Variants in NEBL observed in about 807,000 individuals in gnomAD.
NEBL encodes the protein LIM and SH3 protein 2.
NEBL carries 122 observed loss-of-function variants against 140.2 expected under a neutral mutation model. The observed-to-expected ratio is 0.87, with a 90% CI of 0.75 to 1.01. The LOEUF is 1.01. NEBL is among the 50% of genes least tolerant of loss of function. NEBL has a pLI of 0.00. For missense variants in NEBL, 1,365 were observed against 1,231.3 expected, an observed-to-expected ratio of 1.11 and a Z score of -1.62; for synonymous variants, 436 against 398.9, an observed-to-expected ratio of 1.09 and a Z score of -1.11.
At chr10:21,003,789 T>C (rs1235555256) in intron 3 of NEBL, among the ~76,000 whole-genome samples, 2 of 152,246 alleles carry the variant, frequency 1.3e-5, no homozygotes, top group African/African-American at 2.4e-5. Context: ...TCATAGGAAC[T>C]AGCCTTTGCT....
chr10:21,102,375 C>A (rs1392332232), intron 2 of NEBL, among the ~76,000 whole-genome samples: 1 of 152,154 alleles, frequency 6.6e-6, no homozygotes, highest in East Asian at 1.9e-4. Context: ...AGATAATGGA[C>A]GTTTTCATCA....
intron 4 of NEBL, among the ~76,000 whole-genome samples, chr10:20,952,830 C>G (rs1229610741): frequency 7.3e-6 from 1 of 136,232 alleles, no homozygotes; most frequent in African/African-American, 2.7e-5. Context: ...ACTTGAACCC[C>G]GGAGGTGGAG....
intron 2 of NEBL, among the ~76,000 whole-genome samples, chr10:21,059,780 T>C (rs1374514825): frequency 6.6e-6 from 1 of 152,224 alleles, no homozygotes; most frequent in Admixed American, 6.5e-5. Context: ...GTGGCCATTT[T>C]GTTAACTGTG....
chr10:20,805,950 G>A lies in NEBL; in HGVS notation c.2761+2560C>T, dbSNP rs535334796. ...TCTCCCTCCATCTTTGAAGAAGTAT[G>A]AAATTCCTCCTTTAAAAAAAAATAT... is the stretch of plus-strand genomic sequence containing the variant. On this transcript the variant is annotated intron_variant, in intron 26 of 27. Coordinates refer to ENST00000377122, the MANE Select transcript of NEBL (RefSeq NM_006393.3). Among the ~76,000 whole-genome samples the A allele has an allele frequency of 2.6e-3, 390 of 152,042 alleles. 1 individual carries two copies. Among genetic ancestry groups the A allele is most frequent in the African/African-American group, 9.1e-3 (379 of 41,472 alleles).
At position 20,910,147 on chromosome 10, in the gene NEBL, G is replaced by T. The variant is rs111895045; in HGVS notation, c.357+51525C>A. ...CTTCTCTGTGCTTTTCAGATGGATA[G>T]ATTTAGAAGAAATGAGTTGAGGACA... On this transcript the variant is annotated intron_variant, in intron 4 of 6. Transcript: ENST00000417816. Among the ~76,000 whole-genome samples, 649 of 152,276 alleles carry T rather than the reference G, an allele frequency of 4.3e-3. 4 individuals carry two copies. The highest frequency in any genetic ancestry group is 0.024 in the East Asian group (126 of 5,184).
intron 3 of NEBL, among the ~76,000 whole-genome samples, chr10:21,003,462 T>G (rs1024797932): frequency 6.6e-6 from 1 of 152,256 alleles, no homozygotes; most frequent in Non-Finnish European, 1.5e-5. Flanking sequence ...AAGGATCTTT[T>G]GTTATGAAGC....
chr10:20,923,065 TTTTTC>T (rs1025798803), intron 4 of NEBL, among the ~76,000 whole-genome samples: 3 of 152,206 alleles, frequency 2.0e-5, no homozygotes, highest in Admixed American at 1.3e-4. Context: ...CTTTTTCTTC[TTTTTC>T]TTTTCTTTTC....
At chr10:20,801,807 C>A (rs915764007) in intron 26 of NEBL, among the ~76,000 whole-genome samples, 2 of 152,072 alleles carry the variant, frequency 1.3e-5, no homozygotes, top group African/African-American at 4.8e-5. Flanking sequence ...GCATCTCTTG[C>A]AACTCTTGAA....
Position 20,809,796 on chromosome 10 carries a change from T to C in NEBL, c.2611+10A>G, listed in dbSNP as rs774928213. 3.2e-6 allele frequency: 5 copies of C among 1,581,994 alleles called. No individual in the cohort carries two copies. Among genetic ancestry groups the C allele is most frequent in the Non-Finnish European group, 4.3e-6 (5 of 1,151,136 alleles). ...CACATAAATGGGATGAACTAAAAAG[T>C]GAGTAATACCAGAGAGCATATGGAG... On this transcript the variant is annotated intron_variant, in intron 25 of 27. Transcript: ENST00000377122.
chr10:20,943,012 A>C (rs1214360344), intron 4 of NEBL, among the ~76,000 whole-genome samples: 1 of 152,234 alleles, frequency 6.6e-6, no homozygotes, highest in Non-Finnish European at 1.5e-5. Context: ...TAGTTCAACC[A>C]TTGTGGAAGT....
intron 2 of NEBL, among the ~76,000 whole-genome samples, chr10:20,891,149 C>A (rs1846993670): frequency 6.6e-6 from 1 of 152,150 alleles, no homozygotes; most frequent in Admixed American, 6.6e-5. Flanking sequence ...TGTGGTAGAA[C>A]TAGATACAGA....
Position 21,125,703 on chromosome 10 carries a change from A to G in NEBL, c.164+46680T>C, listed in dbSNP as rs184380918. 4.8e-5 allele frequency: 34 copies of G among 701,800 alleles called. No individual in the cohort carries two copies. The African/African-American group carries it at 5.8e-4, about 12-fold the overall frequency. The allele number at this position is 701,800 out of a possible 1,614,324, so 43.5% of individuals were successfully genotyped here. ...TAAAAGCACACTCCTTCCTCCCTGCACCCTACAGAGCTGCCTTTGAAGTCA... is the reference window on the plus strand; with the variant it reads ...TAAAAGCACACTCCTTCCTCCCTGCGCCCTACAGAGCTGCCTTTGAAGTCA... On this transcript the variant is annotated intron_variant, in intron 2 of 6. Transcript: ENST00000417816.
chr10:21,164,702 A>T (rs1840692261), intron 2 of NEBL, among the ~76,000 whole-genome samples: 1 of 152,204 alleles, frequency 6.6e-6, no homozygotes, highest in African/African-American at 2.4e-5. Flanking sequence ...GACTTAAAAG[A>T]TACCAAAATG....
intron 4 of NEBL, among the ~76,000 whole-genome samples, chr10:20,929,252 G>C (rs1454682463): frequency 6.8e-6 from 1 of 147,940 alleles, no homozygotes; most frequent in Non-Finnish European, 1.5e-5. Flanking sequence ...GAAAATGTGA[G>C]AGATATAAAT....
At chr10:21,067,196 C>T (rs1589196994) in intron 2 of NEBL, among the ~76,000 whole-genome samples, 2 of 152,166 alleles carry the variant, frequency 1.3e-5, no homozygotes, top group East Asian at 3.9e-4. Context: ...TGGTCTCGAT[C>T]TCCTGACCTT....
At chr10:21,025,905 C>T (rs145614751) in intron 2 of NEBL, among the ~76,000 whole-genome samples, 2 of 152,280 alleles carry the variant, frequency 1.3e-5, no homozygotes, top group Admixed American at 1.3e-4. Flanking sequence ...TCTACCATTA[C>T]TTATAATATT....
At chr10:21,125,770 C>T (rs1411571893) in intron 2 of NEBL, 2 of 1,349,766 alleles carry the variant, frequency 1.5e-6, no homozygotes, top group Non-Finnish European at 2.1e-6. Context: ...AACTCAGGCT[C>T]ATTTAAAATT....
intron 4 of NEBL, among the ~76,000 whole-genome samples, chr10:20,933,909 C>A (rs753410415): frequency 1.3e-4 from 20 of 152,124 alleles, no homozygotes; most frequent in Non-Finnish European, 2.4e-4. Context: ...TTCCTTATCA[C>A]CAACTATTAG....
chr10:21,265,366 A>C (rs1306179438), intron 1 of NEBL, among the ~76,000 whole-genome samples: 1 of 152,180 alleles, frequency 6.6e-6, no homozygotes, highest in African/African-American at 2.4e-5. Flanking sequence ...ACCAACATTC[A>C]AACCACAGCA....
Sources: gnomAD v4.1 joint callset for allele counts (sites outside exome capture counted in the v4.1 genomes callset) on GRCh38, gnomAD v4.1.1 for gene constraint, MANE v1.5 for transcripts, NCBI Gene and HGNC (gene_info 2026-07-23, HGNC 2026-07-21) for gene names.